The following SNAPC3 variants were observed in gnomAD, a reference collection of about 807,000 sequenced individuals.
The protein encoded by SNAPC3 is small nuclear RNA activating complex polypeptide 3.
A neutral mutation model predicts 47.7 loss-of-function variants in SNAPC3; 56 were observed. That is an observed-to-expected ratio of 1.18 (90% confidence interval 0.95 to 1.47). The LOEUF is 1.47. Among genes scored for constraint, SNAPC3 ranks in the 40% most tolerant of loss-of-function variants. The pLI is 0.00. For missense variants in SNAPC3, 665 were observed against 511.3 expected, an observed-to-expected ratio of 1.30 and a Z score of -2.90; for synonymous variants, 235 against 189.9, an observed-to-expected ratio of 1.24 and a Z score of -1.95.
intron 3 of SNAPC3, among the ~76,000 whole-genome samples, chr9:15,442,069 C>T (rs957854111): frequency 1.3e-5 from 2 of 151,626 alleles, no homozygotes; most frequent in Admixed American, 6.6e-5. Flanking sequence ...GGGGCTGCCC[C>T]CCAACCTCCC....
At chr9:15,465,550 T>C (rs750926672), downstream of SNAPC3, 30 of 1,585,646 alleles carry the variant, frequency 1.9e-5, no homozygotes, top group South Asian at 3.3e-4. Context: ...CCTTCAGAGA[T>C]ATTTCAGTCT....
At position 15,451,380 on chromosome 9, in the gene SNAPC3, C is replaced by A. The variant is rs2034373996; in HGVS notation, c.793C>A (p.Pro265Thr). The A allele has an allele frequency of 1.3e-6, 2 of 1,540,356 alleles. No individual in the cohort carries two copies. Among genetic ancestry groups the A allele is most frequent in the Non-Finnish European group, 1.8e-6 (2 of 1,125,714 alleles). The part of the protein sequence containing the change: ...EGTFYNDKRY[P>T]ECRDLSRTII... The stretch of plus-strand genomic sequence containing the variant: ...AACATTTTATAATGATAAAAGATAC[C>A]CAGAATGCAGAGATTTGAGCAGGTA... Residue 265 changes from proline to threonine, a missense_variant, in exon 6 of 9, where the codon CCA becomes ACA. Transcript: ENST00000380821.
downstream of SNAPC3, chr9:15,463,692 C>G (rs1350071266): frequency 6.6e-6 from 1 of 151,962 alleles, no homozygotes; most frequent in Non-Finnish European, 1.5e-5. Context: ...GCCTATGACA[C>G]CATTTCTTGA....
rs777677976 is a variant in SNAPC3 at position 15,460,976 on chromosome 9, T to C, written c.*1110T>C. On this transcript the variant is annotated 3_prime_UTR_variant, in exon 9 of 9. Coordinates refer to ENST00000380821, the MANE Select transcript of SNAPC3 (RefSeq NM_001039697.2). Reference sequence around the variant, plus strand: ...GGACATGGAAAAATCAAGATCCTATTGATTGCTAGCTCTGGCTCACTTATT... The same window carrying C: ...GGACATGGAAAAATCAAGATCCTATCGATTGCTAGCTCTGGCTCACTTATT... 1.3e-5 allele frequency: 2 copies of C among 152,114 alleles called. No individual in the cohort carries two copies. The highest frequency in any genetic ancestry group is 6.5e-5 in the Admixed American group (1 of 15,274). The allele number at this position is 152,114 out of a possible 1,614,324, so 9.4% of individuals were successfully genotyped here.
chr9:15,466,127 C>T (rs1018483503), downstream of SNAPC3, among the ~76,000 whole-genome samples: 1 of 151,120 alleles, frequency 6.6e-6, no homozygotes, highest in Non-Finnish European at 1.5e-5. Context: ...CAGCTGTAAT[C>T]CCAACACTGG....
At chr9:15,454,626 G>A (rs757779829) in intron 7 of SNAPC3, among the ~76,000 whole-genome samples, 3 of 152,166 alleles carry the variant, frequency 2.0e-5, no homozygotes, top group Non-Finnish European at 4.4e-5. Context: ...GACTGAATTC[G>A]TGACAGGTAC....
At chr9:15,441,816 A>G (rs923809246) in intron 3 of SNAPC3, among the ~76,000 whole-genome samples, 1 of 152,150 alleles carries the variant, frequency 6.6e-6, no homozygotes, top group African/African-American at 2.4e-5. Flanking sequence ...CACAGCAACA[A>G]TCTGATTTCT....
chr9:15,449,429 G>A (rs916658731), intron 5 of SNAPC3, among the ~76,000 whole-genome samples: 1 of 151,178 alleles, frequency 6.6e-6, no homozygotes, highest in Admixed American at 6.6e-5. Context: ...GTACATTGCT[G>A]CTGATAGCTT....
intron 3 of SNAPC3, among the ~76,000 whole-genome samples, chr9:15,434,035 G>C (rs1420298827): frequency 3.3e-5 from 5 of 152,140 alleles, no homozygotes; most frequent in Non-Finnish European, 7.3e-5. Context: ...TTAGGAGCTA[G>C]TAGACACGAT....
chr9:15,423,285 G>C, intron 1 of SNAPC3, 92 bp downstream of exon 1: 1 of 1,315,314 alleles, frequency 7.6e-7, no homozygotes, highest in Non-Finnish European at 1.0e-6. Flanking sequence ...CCTGAGAAGG[G>C]CCTGTGGTTT....
intron 4 of SNAPC3, among the ~76,000 whole-genome samples, chr9:15,445,621 G>A (rs144410873): frequency 4.8e-5 from 4 of 83,768 alleles, no homozygotes; most frequent in African/African-American, 1.2e-4. Flanking sequence ...AAGCATCTGG[G>A]ATGTAGTTAA....
At position 15,447,140 on chromosome 9, in the gene SNAPC3, C is replaced by G. The variant is rs749878861; in HGVS notation, c.628C>G (p.Gln210Glu). The G allele has an allele frequency of 6.2e-7, 1 of 1,613,842 alleles. No individual in the cohort carries two copies. Among genetic ancestry groups the G allele is most frequent in the African/African-American group, 1.3e-5 (1 of 74,908 alleles). ...PYQTMLVLGSQKLTQLRDSIR... is the reference protein window; with the variant it reads ...PYQTMLVLGSEKLTQLRDSIR... ...CCAAACAATGCTGGTGTTGGGCAGT[C>G]AAAAACTCACACAACTGAGGGATTC... Residue 210 changes from glutamine (Q) to glutamate (E), a missense_variant, in exon 5 of 9, where the codon CAA becomes GAA. Gln to Glu is a conservative substitution (Grantham distance 29). Transcript: ENST00000380821.
chr9:15,456,004 A>G (rs2034763404), intron 7 of SNAPC3, among the ~76,000 whole-genome samples: 1 of 152,128 alleles, frequency 6.6e-6, no homozygotes, highest in Non-Finnish European at 1.5e-5. Flanking sequence ...CCTCCCGAGT[A>G]GCTGGGATTA....
chr9:15,466,721 C>A (rs761133572), downstream of SNAPC3: 1 of 1,544,760 alleles, frequency 6.5e-7, no homozygotes, highest in Admixed American at 1.8e-5. Context: ...AAAAAACACA[C>A]AAGACCCATT....
intron 4 of SNAPC3, among the ~76,000 whole-genome samples, chr9:15,445,985 AAAG>A (rs1283323021): frequency 6.6e-6 from 1 of 152,174 alleles, no homozygotes; most frequent in African/African-American, 2.4e-5. Context: ...CCAATCATAA[AAAG>A]AAACCAAACC....
intron 7 of SNAPC3, chr9:15,453,442 G>A (rs908980686): frequency 1.9e-5 from 7 of 364,622 alleles, no homozygotes; most frequent in East Asian, 9.2e-5. Context: ...ACTATTAGAC[G>A]GTTAAAAATC....
At chr9:15,424,866 C>T (rs1036378149) in intron 2 of SNAPC3, among the ~76,000 whole-genome samples, 1 of 152,220 alleles carries the variant, frequency 6.6e-6, no homozygotes, top group East Asian at 1.9e-4. Flanking sequence ...CTTGGGTTTT[C>T]TTTCATAATA....
chr9:15,457,572 GTAA>G (rs1466111509), intron 7 of SNAPC3, among the ~76,000 whole-genome samples: 2 of 152,136 alleles, frequency 1.3e-5, no homozygotes, highest in Non-Finnish European at 2.9e-5. Flanking sequence ...TCCAGCCTGG[GTAA>G]CAGAGTAAGA....
At chr9:15,423,807 C>G (rs1187287185) in intron 1 of SNAPC3, 102 bp from the exon 2 acceptor site, 1 of 580,688 alleles carries the variant, frequency 1.7e-6, no homozygotes, top group Non-Finnish European at 2.9e-6. Context: ...TGGATTTTAT[C>G]TGACTTCGTA....
Sources: gnomAD v4.1 joint callset for allele counts (sites outside exome capture counted in the v4.1 genomes callset) on GRCh38, gnomAD v4.1.1 for gene constraint, MANE v1.5 for transcripts, NCBI Gene and HGNC (gene_info 2026-07-23, HGNC 2026-07-21) for gene names.